NAALADL2: variants seen among roughly 807,000 people sequenced by gnomAD.
NAALADL2 encodes the protein N-acetylated alpha-linked acidic dipeptidase like 2.
A neutral mutation model predicts 87.2 loss-of-function variants in NAALADL2; 76 were observed. That is an observed-to-expected ratio of 0.87 (90% CI 0.72 to 1.05). The LOEUF is 1.05. Ranked by LOEUF, NAALADL2 falls within the 50% of genes least tolerant of loss-of-function variation. The pLI, the probability that NAALADL2 is intolerant of heterozygous loss-of-function variation, is 0.00. For synonymous variants in NAALADL2, 354 were observed against 331.0 expected (o/e 1.07, Z -0.75); for missense variants, 1,089 against 945.8 (o/e 1.15, Z -1.99).
chr3:175,493,638 A>T (rs1459146206), intron 9 of NAALADL2, among the ~76,000 whole-genome samples: 6 of 152,266 alleles, frequency 3.9e-5, no homozygotes, highest in African/African-American at 1.4e-4. Context: ...AGGCAACTTA[A>T]CTTTGGTCTG....
intron 5 of NAALADL2, among the ~76,000 whole-genome samples, chr3:175,390,020 A>G (rs888241363): frequency 6.6e-6 from 1 of 152,326 alleles, no homozygotes; most frequent in African/African-American, 2.4e-5. Context: ...AGCAGGGAAT[A>G]AGGAATAAGA....
chr3:174,857,624 G>T (rs567806757), upstream of NAALADL2, among the ~76,000 whole-genome samples: 1 of 152,132 alleles, frequency 6.6e-6, no homozygotes, highest in Non-Finnish European at 1.5e-5. Flanking sequence ...TGTTTTATTG[G>T]CAAACATTCA....
At chr3:175,134,610 C>G (rs1027561992) in intron 2 of NAALADL2, among the ~76,000 whole-genome samples, 1 of 152,116 alleles carries the variant, frequency 6.6e-6, no homozygotes, top group African/African-American at 2.4e-5. Context: ...GTAAAAAATA[C>G]AGCAGAGTAT....
chr3:175,430,088 AAAAATTAAT>A (rs1370381215), intron 5 of NAALADL2, among the ~76,000 whole-genome samples: 1 of 151,890 alleles, frequency 6.6e-6, no homozygotes, highest in Non-Finnish European at 1.5e-5. Context: ...TTAGATAATT[AAAAATTAAT>A]AAAATTCCCT....
At chr3:175,139,310 C>A (rs1418052872) in intron 2 of NAALADL2, among the ~76,000 whole-genome samples, 1 of 151,684 alleles carries the variant, frequency 6.6e-6, no homozygotes, top group Non-Finnish European at 1.5e-5. Flanking sequence ...TATATATATA[C>A]CTGAAAAAGT....
chr3:175,776,278 C>A (rs1359077861), intron 13 of NAALADL2: 1 of 152,206 alleles, frequency 6.6e-6, no homozygotes, highest in East Asian at 1.9e-4. Flanking sequence ...CCCCAGTAGC[C>A]TGTTCCCTTG....
intron 5 of NAALADL2, among the ~76,000 whole-genome samples, chr3:175,386,988 A>G (rs1768456406): frequency 6.6e-6 from 1 of 152,158 alleles, no homozygotes; most frequent in Admixed American, 6.6e-5. Flanking sequence ...CAATTAATAA[A>G]GAAAGAAAAA....
chr3:175,211,261 G>A (rs1580946181), intron 2 of NAALADL2, among the ~76,000 whole-genome samples: 1 of 151,786 alleles, frequency 6.6e-6, no homozygotes, highest in Non-Finnish European at 1.5e-5. Context: ...TCTTTATTAC[G>A]TTTTATGCAC....
chr3:175,351,235 G>T (rs1029511652), intron 5 of NAALADL2, among the ~76,000 whole-genome samples: 5 of 151,566 alleles, frequency 3.3e-5, no homozygotes, highest in African/African-American at 1.2e-4. Flanking sequence ...TATATTTTTT[G>T]ATTTTTAAAA....
At chr3:175,471,357 G>A (rs950325043) in intron 8 of NAALADL2, among the ~76,000 whole-genome samples, 7 of 151,244 alleles carry the variant, frequency 4.6e-5, no homozygotes, top group East Asian at 2.0e-4. Context: ...GGTGGCCAGC[G>A]CCTGTAGTCC....
chr3:175,414,420 A>T (rs1396550708), intron 5 of NAALADL2, among the ~76,000 whole-genome samples: 1 of 152,148 alleles, frequency 6.6e-6, no homozygotes, highest in South Asian at 2.1e-4. Context: ...GATGTTTAAT[A>T]CAAATTTGGG....
chr3:174,975,906 G>GTACAC (rs1744296122), intron 1 of NAALADL2, among the ~76,000 whole-genome samples: 2 of 152,184 alleles, frequency 1.3e-5, no homozygotes, highest in African/African-American at 4.8e-5. Flanking sequence ...GAAACTTAGT[G>GTACAC]TGTCTAACAC....
chr3:175,280,858 T>C (rs1322646519), intron 4 of NAALADL2, among the ~76,000 whole-genome samples: 1 of 152,012 alleles, frequency 6.6e-6, no homozygotes, highest in East Asian at 1.9e-4. Flanking sequence ...TTTTTAATCT[T>C]TTTATCCTGA....
chr3:175,696,600 G>T (rs1048638387), intron 11 of NAALADL2, among the ~76,000 whole-genome samples: 1 of 151,920 alleles, frequency 6.6e-6, no homozygotes, highest in African/African-American at 2.4e-5. Context: ...AGATGTGAAA[G>T]ATTATTTCCC....
chr3:175,662,524 A>C (rs1582814194), intron 11 of NAALADL2, among the ~76,000 whole-genome samples: 1 of 151,962 alleles, frequency 6.6e-6, no homozygotes, highest in East Asian at 1.9e-4. Context: ...TCCAGTACTA[A>C]GTTGAGTAAA....
At chr3:174,799,672 G>A (rs185030160) in intron 3 of NAALADL2, among the ~76,000 whole-genome samples, 109 of 152,270 alleles carry the variant, frequency 7.2e-4, no homozygotes, top group Middle Eastern at 3.4e-3. Context: ...GTGGAGTGCC[G>A]CAGAAAAGAT....
chr3:174,938,618 T>G (rs945739598), intron 1 of NAALADL2, among the ~76,000 whole-genome samples: 4 of 152,126 alleles, frequency 2.6e-5, no homozygotes, highest in African/African-American at 9.7e-5. Flanking sequence ...TCCACAATGG[T>G]TGAACTAATT....
rs566393952 is a variant in NAALADL2, at chr3:175,279,438, A to G, written c.939+22908A>G. On this transcript the variant is annotated intron_variant, in intron 4 of 13. Transcript: ENST00000454872. The stretch of plus-strand genomic sequence containing the variant: ...GTTTTCATTTTGGATTCACATGTAG[A>G]GTGCTGATGCTTTTGGTTGAAAATA... 2.2e-3 allele frequency among the ~76,000 whole-genome samples: 331 copies of G among 152,202 alleles called. 4 individuals are homozygous for G. Among genetic ancestry groups the G allele is most frequent in the African/African-American group, 7.5e-3 (312 of 41,550 alleles).
rs951647737 is a variant in NAALADL2 at position 175,646,799 on chromosome 3, T to C, written c.1896+19413T>C. Among the ~76,000 whole-genome samples the C allele has an allele frequency of 3.3e-5, 5 of 152,220 alleles. No individual in the cohort carries two copies. In the East Asian group the frequency reaches 9.7e-4, roughly 29 times the overall value. On this transcript the variant is annotated intron_variant, in intron 11 of 13. Coordinates refer to ENST00000454872, the MANE Select transcript of NAALADL2 (RefSeq NM_207015.3). ...TGAGGTGTGATATCTGATCTACCTT[T>C]CTTATATAGTTTCCCCTTGTTTTCA... is the stretch of plus-strand genomic sequence containing the variant.
Sources: gnomAD v4.1 joint callset for allele counts (sites outside exome capture counted in the v4.1 genomes callset) on GRCh38, gnomAD v4.1.1 for gene constraint, MANE v1.5 for transcripts, NCBI Gene and HGNC (gene_info 2026-07-23, HGNC 2026-07-21) for gene names.